SLC16A7: variants seen among roughly 807,000 people sequenced by gnomAD.
SLC16A7 encodes the protein monocarboxylate transporter 2.
SLC16A7 carries 33 observed loss-of-function variants against 34.9 expected under a neutral mutation model. The ratio of observed to expected loss-of-function variants is 0.94; its 90% confidence interval spans 0.72 to 1.26. SLC16A7 has a LOEUF of 1.26. SLC16A7 is among the 50% of genes most tolerant of loss of function. The pLI, the probability that SLC16A7 is intolerant of heterozygous loss-of-function variation, is 0.00. For missense variants in SLC16A7, 573 were observed against 578.1 expected (o/e 0.99, Z 0.09); for synonymous variants, 201 against 206.6 (o/e 0.97, Z 0.23).
intron 3 of SLC16A7, among the ~76,000 whole-genome samples, chr12:59,707,947 T>C (rs923715792): frequency 6.6e-6 from 1 of 152,128 alleles, no homozygotes; most frequent in Admixed American, 6.6e-5. Flanking sequence ...TGGATGAAAA[T>C]GCTTTTACCT....
At chr12:59,629,052 G>A (rs891594995) in intron 1 of SLC16A7, among the ~76,000 whole-genome samples, 16 of 151,774 alleles carry the variant, frequency 1.1e-4, no homozygotes, top group African/African-American at 3.9e-4. Flanking sequence ...GGGCCCTTTT[G>A]TTCTGACGTA....
At chr12:59,747,181 A>G (rs895976789) in intron 3 of SLC16A7, among the ~76,000 whole-genome samples, 5 of 152,202 alleles carry the variant, frequency 3.3e-5, no homozygotes, top group Non-Finnish European at 7.3e-5. Flanking sequence ...CTGGACATGC[A>G]TACATATATG....
chr12:59,744,402 T>A (rs1438294195), intron 3 of SLC16A7, among the ~76,000 whole-genome samples: 1 of 151,260 alleles, frequency 6.6e-6, no homozygotes, highest in Non-Finnish European at 1.5e-5. Flanking sequence ...CAAAGAGGAG[T>A]CCAGCGGGGA....
In SLC16A7 at chr12:59,733,966, G is replaced by C. The variant is rs1203221636; in HGVS notation, c.217+28948G>C. On this transcript the variant is annotated intron_variant, in intron 3 of 5. Transcript: ENST00000547379. Reference sequence around the variant, plus strand: ...GTCTGGGGTTTTTAAGGGGTCAGAAGGGAGGAAGTGCATGCTGATTGGTCT... The same window carrying C: ...GTCTGGGGTTTTTAAGGGGTCAGAACGGAGGAAGTGCATGCTGATTGGTCT... 7.9e-6 allele frequency: 3 copies of C among 381,820 alleles called. No homozygotes were observed. The East Asian group carries it at 2.2e-4, about 28-fold the overall frequency. 23.7% of individuals were successfully genotyped at this position (381,820 alleles called of 1,614,324 possible).
At chr12:59,693,091 T>C (rs1019749227) in intron 2 of SLC16A7, among the ~76,000 whole-genome samples, 1 of 151,960 alleles carries the variant, frequency 6.6e-6, no homozygotes, top group African/African-American at 2.4e-5. Flanking sequence ...CATAATATAA[T>C]ATAACTTATA....
chr12:59,712,734 A>G (rs1022712736), intron 3 of SLC16A7, among the ~76,000 whole-genome samples: 4 of 152,148 alleles, frequency 2.6e-5, no homozygotes, highest in Non-Finnish European at 5.9e-5. Flanking sequence ...AGTGTAAACT[A>G]TGTGGTCATT....
chr12:59,751,271 G>A (rs752093613), intron 3 of SLC16A7, among the ~76,000 whole-genome samples: 7 of 152,222 alleles, frequency 4.6e-5, no homozygotes, highest in East Asian at 1.9e-4. Flanking sequence ...TGGGTGCAGC[G>A]CACCGTGTGC....
intron 3 of SLC16A7, among the ~76,000 whole-genome samples, chr12:59,714,549 T>TTCTC (rs143686501): frequency 0.11 from 16,492 of 150,500 alleles, 1,065 homozygotes; most frequent in Non-Finnish European, 0.14. Context: ...CCTGGTGTCT[T>TTCTC]TCTCTCTCTC....
intron 3 of SLC16A7, chr12:59,761,258 C>A: frequency 1.3e-6 from 1 of 753,414 alleles, no homozygotes; most frequent in Non-Finnish European, 1.9e-6. Flanking sequence ...TTTCTTTTTT[C>A]ATCTTCTGTT....
chr12:59,761,976 A>G (rs1881061450), intron 3 of SLC16A7, among the ~76,000 whole-genome samples: 1 of 152,052 alleles, frequency 6.6e-6, no homozygotes, highest in South Asian at 2.1e-4. Context: ...ATATGATTTT[A>G]CTCATTATGC....
chr12:59,602,459 T>C (rs1382509750), intron 1 of SLC16A7, among the ~76,000 whole-genome samples: 2 of 147,700 alleles, frequency 1.4e-5, no homozygotes, highest in African/African-American at 5.0e-5. Context: ...AAGTATGTCT[T>C]CCCCAGTTTG....
At chr12:59,657,254 T>C (rs1280200039) in intron 2 of SLC16A7, among the ~76,000 whole-genome samples, 1 of 152,044 alleles carries the variant, frequency 6.6e-6, no homozygotes, top group Non-Finnish European at 1.5e-5. Flanking sequence ...TTTTACTTAA[T>C]TTTTAAAAAC....
intron 3 of SLC16A7, among the ~76,000 whole-genome samples, chr12:59,751,197 G>T (rs946331223): frequency 6.6e-6 from 1 of 152,184 alleles, no homozygotes; most frequent in Admixed American, 6.5e-5. Flanking sequence ...GGTGATTTCT[G>T]CATTTCCATC....
chr12:59,678,101 G>A (rs1870454009), intron 2 of SLC16A7, among the ~76,000 whole-genome samples: 1 of 152,226 alleles, frequency 6.6e-6, no homozygotes, highest in African/African-American at 2.4e-5. Context: ...GCAGAGCCAG[G>A]CATGCTGGCT....
chr12:59,757,526 C>G (rs1025128997), intron 3 of SLC16A7, among the ~76,000 whole-genome samples: 6 of 152,036 alleles, frequency 3.9e-5, no homozygotes, highest in African/African-American at 1.4e-4. Context: ...GATACAGGCA[C>G]TGGAACTAAA....
At position 59,775,291 on chromosome 12, in the gene SLC16A7, A is replaced by G. The variant is rs1221751594; in HGVS notation, c.996A>G (p.Pro332=). The change falls in exon 5 of 6, where the codon CCA becomes CCG. Residue 332 remains proline (P), a synonymous_variant. Coordinates refer to ENST00000547379, the MANE Select transcript of SLC16A7 (RefSeq NM_001270623.2). ...MFNGVCHLLC[P]LAQDYTSLVL... The stretch of plus-strand genomic sequence containing the variant: ...ATGGAGTGTGTCACCTCTTGTGCCC[A>G]CTGGCACAGGACTACACAAGCCTGG... The G allele has an allele frequency of 6.2e-7, 1 of 1,613,916 alleles. No individual in the cohort carries two copies. The highest frequency in any genetic ancestry group is 8.5e-7 in the Non-Finnish European group (1 of 1,179,914).
intron 3 of SLC16A7, among the ~76,000 whole-genome samples, chr12:59,743,721 A>G (rs1592622136): frequency 6.6e-6 from 1 of 152,196 alleles, no homozygotes; most frequent in African/African-American, 2.4e-5. Flanking sequence ...TTGATACATA[A>G]ATTTTCCAAT....
chr12:59,685,781 G>A (rs1871107446), intron 2 of SLC16A7, among the ~76,000 whole-genome samples: 1 of 152,022 alleles, frequency 6.6e-6, no homozygotes, highest in East Asian at 1.9e-4. Context: ...AAATCTTCAT[G>A]TGATTTATTT....
chr12:59,635,671 C>T (rs957268405), intron 1 of SLC16A7, among the ~76,000 whole-genome samples: 4 of 152,114 alleles, frequency 2.6e-5, no homozygotes, highest in Non-Finnish European at 5.9e-5. Context: ...TTTCCTAAAA[C>T]CTATCTATAC....
Sources: allele counts gnomAD v4.1 joint callset (sites outside exome capture counted in the v4.1 genomes callset), GRCh38; gene constraint gnomAD v4.1.1; transcripts MANE v1.5; gene names NCBI Gene and HGNC (gene_info 2026-07-23, HGNC 2026-07-21).